Variants in SPG21 observed in about 807,000 individuals in gnomAD.
The protein encoded by SPG21 is maspardin.
Under a neutral mutation model 38.9 loss-of-function variants are expected in SPG21, and 26 were observed. The observed-to-expected ratio is 0.67, with a 90% CI of 0.49 to 0.93. SPG21 has a LOEUF of 0.93. Ranked by LOEUF, SPG21 falls within the 40% of genes least tolerant of loss-of-function variation. SPG21 has a pLI of 0.00. For missense variants in SPG21, 333 were observed against 376.5 expected, an observed-to-expected ratio of 0.88 and a Z score of 0.96; for synonymous variants, 136 against 128.9, an observed-to-expected ratio of 1.05 and a Z score of -0.37.
At chr15:64,983,664 T>C (rs547820422) in intron 1 of SPG21, 71 bp from the exon 2 acceptor site, 4 of 928,970 alleles carry the variant, frequency 4.3e-6, no homozygotes, top group South Asian at 4.2e-5. Context: ...TAGAGTCTCA[T>C]CTAGCTATAC....
intron 5 of SPG21, among the ~76,000 whole-genome samples, chr15:64,970,872 TGCGACTACAG>T (rs1458837375): frequency 2.6e-5 from 4 of 152,098 alleles, no homozygotes; most frequent in Non-Finnish European, 5.9e-5. Flanking sequence ...TTCGAGTAGC[TGCGACTACAG>T]GCACATGCCA....
Position 64,969,301 on chromosome 15 carries a change from T to A in SPG21, c.623A>T (p.Tyr208Phe). 6.2e-7 allele frequency: 1 copy of A among 1,614,176 alleles called. No homozygotes were observed. Among genetic ancestry groups the A allele is most frequent in the Non-Finnish European group, 8.5e-7 (1 of 1,180,008 alleles). ...SRLTLNCQNS[Y>F]VEPHKIRDIP... ...GTCCCGAATTTTATGAGGTTCCACA[T>A]AAGAATTTTGACAATTCAAGGTAAG... Residue 208 changes from tyrosine to phenylalanine, a missense_variant, in exon 7 of 9, where the codon TAT becomes TTT. Transcript: ENST00000204566.
chr15:64,981,000 T>A lies in SPG21; in HGVS notation c.89A>T (p.Lys30Met), dbSNP rs746781312. 23 of 1,614,132 alleles carry A rather than the reference T, an allele frequency of 1.4e-5. No individual in the cohort carries two copies. The highest frequency in any genetic ancestry group is 1.9e-5 in the Non-Finnish European group (23 of 1,180,026). The change falls in exon 3 of 9, where the codon AAG (lysine) becomes ATG (methionine). Residue 30 changes from lysine (K) to methionine (M), a missense_variant. Lys to Met is a moderately conservative substitution (Grantham distance 95). Coordinates refer to ENST00000204566, the MANE Select transcript of SPG21 (RefSeq NM_016630.7). ...KKIIVDDDDS[K>M]IWSLYDAGPR... ...GCCCGCGTCATAGAGCGACCATATC[T>A]TACTGTCATCATCATCCACAATAAT...
chr15:64,974,711 C>T lies in SPG21; in HGVS notation c.343G>A (p.Ala115Thr), dbSNP rs747798362. 1 of 1,613,990 alleles carries T rather than the reference C, an allele frequency of 6.2e-7. No homozygotes were observed. The highest frequency in any genetic ancestry group is 1.3e-5 in the African/African-American group (1 of 74,966). Residue 115 changes from alanine (A) to threonine (T), a missense_variant, in exon 5 of 9, where the codon GCC becomes ACC. Physicochemically the swap from Ala to Thr is moderately conservative, Grantham distance 58 (BLOSUM62 0). Coordinates refer to ENST00000204566, the MANE Select transcript of SPG21 (RefSeq NM_016630.7). ...TGAGTGTATTCAGCAAATTTCTGGG[C>T]CAAAAAGCCTCCCAAAGAAGCGCCA... ...LFGASLGGFL[A>T]QKFAEYTHKS... is the part of the protein sequence containing the mutation.
intron 5 of SPG21, among the ~76,000 whole-genome samples, chr15:64,973,437 C>T (rs1386640808): frequency 3.3e-5 from 5 of 151,992 alleles, no homozygotes; most frequent in African/African-American, 1.2e-4. Context: ...CAAAGCATTT[C>T]CACCATTTTG....
intron 6 of SPG21, 67 bp from the exon 7 acceptor site, chr15:64,969,429 A>G (rs1046018892): frequency 2.5e-5 from 29 of 1,142,918 alleles, no homozygotes; most frequent in Non-Finnish European, 3.6e-5. Flanking sequence ...TTAAATCCAC[A>G]GACAACATTT....
chr15:64,968,187 A>AAAAT (rs1223423324), intron 7 of SPG21, among the ~76,000 whole-genome samples: 1 of 151,976 alleles, frequency 6.6e-6, no homozygotes, highest in Non-Finnish European at 1.5e-5. Context: ...ATCTCTACAA[A>AAAAT]AAATTAGCCG....
intron 6 of SPG21, 135 bp from the exon 7 acceptor site, chr15:64,969,497 C>T: frequency 2.9e-6 from 2 of 698,402 alleles, no homozygotes; most frequent in South Asian, 3.2e-5. Flanking sequence ...AGTGAGGAAC[C>T]ACAACTTAGG....
In SPG21 at chr15:64,970,835, G is replaced by A. The variant is rs1048949741; in HGVS notation, c.453-613C>T. On this transcript the variant is annotated intron_variant, in intron 5 of 8. Transcript: ENST00000204566. ...GCTGGGTGCAACCTCTGCCTCCCGG[G>A]CTCAAGCAATTCTCATGCCTCAGCC... 7.9e-5 allele frequency among the ~76,000 whole-genome samples: 12 copies of A among 152,056 alleles called. No individual in the cohort carries two copies. The East Asian group carries it at 2.1e-3, about 27-fold the overall frequency.
chr15:64,980,169 G>C (rs1283744927), intron 3 of SPG21, among the ~76,000 whole-genome samples: 1 of 152,178 alleles, frequency 6.6e-6, no homozygotes, highest in Non-Finnish European at 1.5e-5. Context: ...AGCAGAAACA[G>C]AGCCAGGAGA....
intron 7 of SPG21, among the ~76,000 whole-genome samples, chr15:64,966,678 T>A (rs2085546283): frequency 6.6e-6 from 1 of 152,124 alleles, no homozygotes; most frequent in Non-Finnish European, 1.5e-5. Flanking sequence ...GGCGGGCAGA[T>A]CATGAGGTCA....
intron 7 of SPG21, among the ~76,000 whole-genome samples, chr15:64,967,460 G>T (rs918376287): frequency 1.4e-5 from 2 of 143,496 alleles, no homozygotes; most frequent in Non-Finnish European, 3.0e-5. Context: ...ACCATGTCCA[G>T]CTAATTTTCC....
At chr15:64,974,799 C>A (rs762841527) in intron 4 of SPG21, 52 bp from the exon 5 acceptor site, 63 of 1,609,444 alleles carry the variant, frequency 3.9e-5, no homozygotes, top group Non-Finnish European at 3.4e-6. Context: ...CAATCTTGAA[C>A]CTGAGTATTA....
intron 2 of SPG21, 169 bp from the exon 3 acceptor site, chr15:64,981,194 T>G: frequency 4.2e-6 from 3 of 715,606 alleles, no homozygotes; most frequent in Non-Finnish European, 4.6e-6. Context: ...TGATCTCCTT[T>G]TCTTTCCTCA....
rs901731373 is a variant in SPG21 at position 64,983,381 on chromosome 15, C to T, written c.63+126G>A. 1.1e-5 allele frequency: 8 copies of T among 702,990 alleles called. No individual in the cohort carries two copies. The African/African-American group carries it at 1.4e-4, about 12-fold the overall frequency. 43.5% of individuals were successfully genotyped at this position (702,990 alleles called of 1,614,324 possible). A position where few individuals can be genotyped will look rare whatever the true frequency, so the allele number is the denominator to read the frequency against. On this transcript the variant is annotated intron_variant, in intron 2 of 8. Transcript: ENST00000204566. ...GGGAAGGAGTGAACTTAATCCTCTG[C>T]AACCCACAGTCATGATACTCGGCAG...
chr15:64,983,647 C>G, intron 1 of SPG21, 54 bp from the exon 2 acceptor site: 1 of 1,119,334 alleles, frequency 8.9e-7, no homozygotes, highest in Non-Finnish European at 1.3e-6. Flanking sequence ...TACATCAGAA[C>G]TAAATGTAGA....
chr15:64,978,444 T>A (rs1315342822), intron 3 of SPG21, among the ~76,000 whole-genome samples: 1 of 151,608 alleles, frequency 6.6e-6, no homozygotes, highest in Non-Finnish European at 1.5e-5. Context: ...TGAGACTCCA[T>A]CTCCAAAAAA....
At chr15:64,965,738 T>A (rs949295931) in intron 7 of SPG21, among the ~76,000 whole-genome samples, 7 of 151,962 alleles carry the variant, frequency 4.6e-5, no homozygotes, top group African/African-American at 1.7e-4. Context: ...ATTCTTTTTT[T>A]TTTTTTGAGG....
rs1428075250 is a variant in SPG21 at position 64,970,107 on chromosome 15, T to A, written c.561+7A>T. The A allele has an allele frequency of 1.9e-6, 3 of 1,609,866 alleles. No individual in the cohort carries two copies. Among genetic ancestry groups the A allele is most frequent in the South Asian group, 1.1e-5 (1 of 91,000 alleles). On this transcript the variant is annotated splice_region_variant and intron_variant, in intron 6 of 8. Transcript: ENST00000204566. ...ATGTGTCCCCAACCCAATGTCATGA[T>A]CCTTACCCTGTCTACCATGAAATCA...
Sources: gnomAD v4.1 joint callset for allele counts (sites outside exome capture counted in the v4.1 genomes callset) on GRCh38, gnomAD v4.1.1 for gene constraint, MANE v1.5 for transcripts, NCBI Gene and HGNC (gene_info 2026-07-23, HGNC 2026-07-21) for gene names.